The following TMEFF2 variants were observed in gnomAD, a reference collection of about 807,000 sequenced individuals.
The protein encoded by TMEFF2 is tomoregulin-2.
In TMEFF2, 28 loss-of-function variants were observed where a neutral mutation model predicts 53.8. That is an observed-to-expected ratio of 0.52 (90% CI 0.39 to 0.71). TMEFF2 has a LOEUF of 0.71. Ranked by LOEUF, TMEFF2 falls within the 30% of genes least tolerant of loss-of-function variation. TMEFF2 has a pLI of 0.00. For missense variants in TMEFF2, 353 were observed against 455.2 expected, an observed-to-expected ratio of 0.78 and a Z score of 2.04; for synonymous variants, 162 against 166.3, an observed-to-expected ratio of 0.97 and a Z score of 0.20.
chr2:192,188,825 T>TTCTA (rs34743733), intron 2 of TMEFF2, among the ~76,000 whole-genome samples: 29 of 31,300 alleles, frequency 9.3e-4, no homozygotes, highest in South Asian at 4.4e-3. Context: ...CTCCCCGCTT[T>TTCTA]TCTATCTATC....
chr2:191,949,560 C>T lies in TMEFF2; in HGVS notation c.*751G>A. The T allele has an allele frequency of 1.0e-6, 1 of 985,348 alleles. No homozygotes were observed. Among genetic ancestry groups the T allele is most frequent in the South Asian group, 4.7e-5 (1 of 21,286 alleles). 61.0% of individuals were successfully genotyped at this position (985,348 alleles called of 1,614,324 possible). ...AATATATTTTGCCACTCTGTGTATA[C>T]CTAGTATGTAACTTGTTCAGTAAGT... is the stretch of plus-strand genomic sequence containing the variant. On this transcript the variant is annotated 3_prime_UTR_variant, in exon 10 of 10. Coordinates refer to ENST00000272771, the MANE Select transcript of TMEFF2 (RefSeq NM_016192.4).
intron 7 of TMEFF2, among the ~76,000 whole-genome samples, chr2:191,964,225 TTTCTTTCC>T (rs796318238): frequency 5.0e-5 from 3 of 59,540 alleles, no homozygotes; most frequent in Non-Finnish European, 6.7e-5. Context: ...TCTGTCTGTC[TTTCTTTCC>T]TTCCTTCCTT....
intron 5 of TMEFF2, among the ~76,000 whole-genome samples, chr2:192,007,186 T>C (rs1032368285): frequency 6.6e-6 from 1 of 152,200 alleles, no homozygotes; most frequent in African/African-American, 2.4e-5. Context: ...TTTAAAAGGC[T>C]TTATTCATAT....
At chr2:192,074,322 G>T (rs1439123528) in intron 4 of TMEFF2, among the ~76,000 whole-genome samples, 1 of 151,938 alleles carries the variant, frequency 6.6e-6, no homozygotes, top group Non-Finnish European at 1.5e-5. Context: ...AGGAAAAGGG[G>T]TGGTGAGAAG....
At chr2:192,102,328 A>G (rs1464306886) in intron 4 of TMEFF2, among the ~76,000 whole-genome samples, 1 of 151,644 alleles carries the variant, frequency 6.6e-6, no homozygotes, top group Admixed American at 6.6e-5. Context: ...TTCTTCTGTT[A>G]AAAAACCATC....
At chr2:192,033,888 T>C (rs1012133386) in intron 5 of TMEFF2, among the ~76,000 whole-genome samples, 1 of 152,114 alleles carries the variant, frequency 6.6e-6, no homozygotes, top group Non-Finnish European at 1.5e-5. Context: ...AAAAAATCCT[T>C]TTTTTGGCCA....
intron 5 of TMEFF2, chr2:192,028,057 TG>T (rs56753899): frequency 0.2 from 22,251 of 113,146 alleles, 1,925 homozygotes; most frequent in East Asian, 0.41. Context: ...GATTGAATTA[TG>T]GGGGGGGGGG....
At chr2:191,957,730 C>A (rs960602305) in intron 7 of TMEFF2, among the ~76,000 whole-genome samples, 18 of 152,188 alleles carry the variant, frequency 1.2e-4, no homozygotes, top group Middle Eastern at 3.4e-3. Flanking sequence ...GTTACACACC[C>A]AAATTTGTAA....
intron 2 of TMEFF2, 56 bp from the exon 3 acceptor site, chr2:192,184,539 A>C: frequency 1.3e-6 from 2 of 1,591,272 alleles, no homozygotes; most frequent in South Asian, 2.3e-5. Flanking sequence ...TATCCCTCTG[A>C]CACGATGAAC....
intron 4 of TMEFF2, among the ~76,000 whole-genome samples, chr2:192,061,092 GTTC>G (rs905834920): frequency 2.6e-5 from 4 of 152,156 alleles, no homozygotes; most frequent in African/African-American, 9.7e-5. Context: ...TCACCACCCT[GTTC>G]TTCTTGCTGG....
In TMEFF2 at chr2:192,148,925, T is replaced by C. The variant is rs192617772; in HGVS notation, c.439+30743A>G. On this transcript the variant is annotated intron_variant, in intron 4 of 9. Transcript: ENST00000272771. Reference sequence around the variant, plus strand: ...AATTTTTTTTAAATTTTTAAACAAATGTATTTTTAGACTATCTTCTGTGTC... The same window carrying C: ...AATTTTTTTTAAATTTTTAAACAAACGTATTTTTAGACTATCTTCTGTGTC... 3.7e-3 allele frequency among the ~76,000 whole-genome samples: 558 copies of C among 152,074 alleles called. 4 individuals carry two copies. The highest frequency in any genetic ancestry group is 7.9e-3 in the Admixed American group (120 of 15,240).
intron 4 of TMEFF2, among the ~76,000 whole-genome samples, chr2:192,096,758 C>T (rs1158358792): frequency 1.4e-5 from 2 of 145,778 alleles, no homozygotes. Flanking sequence ...CTCACTGCAA[C>T]CTCCGCCTCC....
At chr2:192,037,335 A>AAG (rs1687340283) in intron 5 of TMEFF2, among the ~76,000 whole-genome samples, 2 of 150,420 alleles carry the variant, frequency 1.3e-5, no homozygotes, top group African/African-American at 4.9e-5. Context: ...GAAAGAAAGA[A>AAG]AAACAGAAAA....
intron 5 of TMEFF2, among the ~76,000 whole-genome samples, chr2:192,014,355 T>C (rs1343043330): frequency 6.6e-6 from 1 of 152,212 alleles, no homozygotes; most frequent in African/African-American, 2.4e-5. Flanking sequence ...TATACATTCT[T>C]AGTATTAAAA....
intron 5 of TMEFF2, among the ~76,000 whole-genome samples, chr2:192,006,627 G>A (rs1384640774): frequency 6.6e-6 from 1 of 152,166 alleles, no homozygotes; most frequent in Non-Finnish European, 1.5e-5. Context: ...ACTCAAGACT[G>A]TAGTCACTAA....
intron 7 of TMEFF2, among the ~76,000 whole-genome samples, chr2:191,974,059 C>T (rs763015830): frequency 3.9e-5 from 6 of 152,202 alleles, no homozygotes; most frequent in Non-Finnish European, 5.9e-5. Context: ...CCAGAAAGTA[C>T]GGAGAATTAT....
At position 192,164,690 on chromosome 2, in the gene TMEFF2, C is replaced by A. The variant is rs549689709; in HGVS notation, c.439+14978G>T. Among the ~76,000 whole-genome samples, 4 of 150,822 alleles carry A rather than the reference C, an allele frequency of 2.7e-5. No homozygotes were observed. The East Asian group carries it at 7.8e-4, about 30-fold the overall frequency. ...TTGCAGTGAGCCAAGATCATGCCAC[C>A]GCACTCCAGCCTGGTGACATAGCGA... On this transcript the variant is annotated intron_variant, in intron 4 of 9. Coordinates refer to ENST00000272771, the MANE Select transcript of TMEFF2 (RefSeq NM_016192.4).
At chr2:192,191,161 C>G (rs1005832940) in intron 2 of TMEFF2, among the ~76,000 whole-genome samples, 1 of 152,084 alleles carries the variant, frequency 6.6e-6, no homozygotes, top group African/African-American at 2.4e-5. Context: ...ACTAAAAGTT[C>G]TATCTTTAAT....
chr2:192,194,225 T>G lies in TMEFF2; in HGVS notation c.172+128A>C. The G allele has an allele frequency of 2.8e-6, 3 of 1,053,246 alleles. No individual in the cohort carries two copies. The highest frequency in any genetic ancestry group is 4.2e-6 in the Non-Finnish European group (3 of 715,310). 65.2% of individuals were successfully genotyped at this position (1,053,246 alleles called of 1,614,324 possible). A position where few individuals can be genotyped will look rare whatever the true frequency, so the allele number is the denominator to read the frequency against. Reference sequence around the variant, plus strand: ...CCTTGTTTCTCTGGATAGAGGTGGGTGGTATTAGGGGTCTAGGGCAGTAGG... The same window carrying G: ...CCTTGTTTCTCTGGATAGAGGTGGGGGGTATTAGGGGTCTAGGGCAGTAGG... On this transcript the variant is annotated intron_variant, in intron 1 of 9. Coordinates refer to ENST00000272771, the MANE Select transcript of TMEFF2 (RefSeq NM_016192.4). The surrounding 1 kb of genome is among the most constrained non-coding windows in gnomAD (Gnocchi z 4.2).
Sources: allele counts gnomAD v4.1 joint callset (sites outside exome capture counted in the v4.1 genomes callset), GRCh38; gene constraint gnomAD v4.1.1; non-coding constraint Gnocchi (gnomAD v3.1); transcripts MANE v1.5; gene names NCBI Gene and HGNC (gene_info 2026-07-23, HGNC 2026-07-21).